Variants in MXI1 observed in about 807,000 individuals in gnomAD.
MXI1 encodes the protein MAX interactor 1, dimerization protein.
A neutral mutation model predicts 36.9 loss-of-function variants in MXI1; 18 were observed. The observed-to-expected ratio is 0.49, with a 90% confidence interval of 0.34 to 0.72. The LOEUF (loss-of-function observed/expected upper bound fraction) is 0.72, where lower values mean the gene tolerates loss of function less well. MXI1 is among the 30% of genes least tolerant of loss of function. The pLI is 0.01. For synonymous variants in MXI1, 160 were observed against 146.7 expected (o/e 1.09, Z -0.65); for missense variants, 304 against 379.1 (o/e 0.80, Z 1.64).
intron 1 of MXI1, among the ~76,000 whole-genome samples, chr10:110,223,546 G>A (rs889044256): frequency 6.6e-6 from 1 of 151,946 alleles, no homozygotes; most frequent in African/African-American, 2.4e-5. Context: ...CACTCCAGCT[G>A]GGGTGACAGA....
intron 2 of MXI1, among the ~76,000 whole-genome samples, chr10:110,244,187 A>G (rs1855773942): frequency 6.6e-6 from 1 of 152,158 alleles, no homozygotes; most frequent in Non-Finnish European, 1.5e-5. Context: ...AAAAGTCACC[A>G]AAACTAAACA....
chr10:110,275,981 T>C (rs1432827196), intron 3 of MXI1, among the ~76,000 whole-genome samples: 2 of 152,236 alleles, frequency 1.3e-5, no homozygotes, highest in African/African-American at 4.8e-5. Context: ...AAATATCTTT[T>C]AGAGCATTCT....
rs1415643772 is a variant in MXI1, at chr10:110,285,273, T to G, written c.*286T>G. ...TGTGTGAAATTTTCTTGATTTGAGTTGATTGAGAAGAGGACATTGGAGATG... is the reference window on the plus strand; with the variant it reads ...TGTGTGAAATTTTCTTGATTTGAGTGGATTGAGAAGAGGACATTGGAGATG... On this transcript the variant is annotated 3_prime_UTR_variant, in exon 6 of 6. Coordinates refer to ENST00000332674, the MANE Select transcript of MXI1 (RefSeq NM_130439.3). 4.0e-6 allele frequency: 1 copy of G among 251,252 alleles called. No individual in the cohort carries two copies. Among genetic ancestry groups the G allele is most frequent in the Non-Finnish European group, 7.5e-6 (1 of 132,718 alleles). 15.6% of individuals were successfully genotyped at this position (251,252 alleles called of 1,614,324 possible). A position where few individuals can be genotyped will look rare whatever the true frequency, so the allele number is the denominator to read the frequency against.
intron 3 of MXI1, chr10:110,257,231 T>G (rs1856332071): frequency 6.6e-6 from 1 of 152,302 alleles, no homozygotes; most frequent in South Asian, 2.1e-4. Flanking sequence ...CCACAAATGT[T>G]ACCATGGCAA....
At chr10:110,237,510 A>G (rs1470710010) in intron 2 of MXI1, among the ~76,000 whole-genome samples, 1 of 152,116 alleles carries the variant, frequency 6.6e-6, no homozygotes, top group East Asian at 1.9e-4. Context: ...TGAGTCTTAA[A>G]CCTGCATTCC....
chr10:110,248,773 C>T (rs1855962960), intron 3 of MXI1, among the ~76,000 whole-genome samples: 1 of 152,110 alleles, frequency 6.6e-6, no homozygotes, highest in African/African-American at 2.4e-5. Flanking sequence ...CTCCTTTACT[C>T]TCTCTATTCC....
intron 1 of MXI1, among the ~76,000 whole-genome samples, chr10:110,218,056 G>A (rs890450719): frequency 7.9e-5 from 12 of 152,180 alleles, no homozygotes; most frequent in African/African-American, 2.9e-4. Context: ...CTAATAAATA[G>A]TGGAGTAGAG....
At chr10:110,247,888 A>G (rs1447752761) in intron 3 of MXI1, among the ~76,000 whole-genome samples, 2 of 152,214 alleles carry the variant, frequency 1.3e-5, no homozygotes, top group African/African-American at 4.8e-5. Context: ...ATAAAGACAC[A>G]TGCACACGTA....
At chr10:110,260,900 T>C (rs1326128917) in intron 3 of MXI1, 1 of 617,830 alleles carries the variant, frequency 1.6e-6, no homozygotes, top group African/African-American at 2.0e-5. Flanking sequence ...TTATAACTTC[T>C]GGCCACTTTT....
chr10:110,226,142 C>A, intron 1 of MXI1: 6 of 1,347,052 alleles, frequency 4.5e-6, no homozygotes, highest in Non-Finnish European at 5.7e-6. Flanking sequence ...CGGCCGTAGC[C>A]GCCTGCGGCG....
intron 3 of MXI1, among the ~76,000 whole-genome samples, chr10:110,252,487 G>C (rs1856130103): frequency 6.6e-6 from 1 of 151,984 alleles, no homozygotes. Context: ...GGAAAGCCCT[G>C]CTCTAGTTCT....
At chr10:110,271,027 G>A (rs1856834456) in intron 3 of MXI1, among the ~76,000 whole-genome samples, 1 of 151,884 alleles carries the variant, frequency 6.6e-6, no homozygotes, top group Non-Finnish European at 1.5e-5. Context: ...GGGAGGCGGA[G>A]GTTGCAGTGA....
intron 1 of MXI1, among the ~76,000 whole-genome samples, chr10:110,209,147 C>T (rs531273803): frequency 1.3e-5 from 2 of 152,308 alleles, no homozygotes; most frequent in African/African-American, 4.8e-5. Context: ...GCAGTCGACT[C>T]AGCGCCCTAA....
In MXI1 at chr10:110,279,228, A is replaced by G. The variant is rs1248082120; in HGVS notation, c.486A>G (p.Pro162=). Residue 162 remains proline, a synonymous_variant, in exon 4 of 6, where the codon CCA becomes CCG. Transcript: ENST00000332674. The part of the protein sequence containing the change: ...LCLERLKVLI[P]LGPDCTRHTT... ...TAGAACGCTTAAAAGTTCTGATTCC[A>G]CTAGGACCAGACTGCACCCGGCACA... 3 of 1,614,068 alleles carry G rather than the reference A, an allele frequency of 1.9e-6. No individual in the cohort carries two copies. Among genetic ancestry groups the G allele is most frequent in the East Asian group, 2.2e-5 (1 of 44,884 alleles).
intron 3 of MXI1, among the ~76,000 whole-genome samples, chr10:110,251,813 A>G (rs1420279642): frequency 6.6e-6 from 1 of 152,178 alleles, no homozygotes; most frequent in East Asian, 1.9e-4. Flanking sequence ...ATGTAGCATC[A>G]TAAGCTGTGT....
rs564153909 is a variant in MXI1 at position 110,225,817 on chromosome 10, C to T, written c.275-2372C>T. ...GAAAGGAAACCCAGCGGGACTACAC[C>T]TTCCGACGACCTTTGCGAATCTTGC... is the stretch of plus-strand genomic sequence containing the variant. On this transcript the variant is annotated intron_variant, in intron 1 of 5. Transcript: ENST00000332674. Among the ~76,000 whole-genome samples, 3 of 152,312 alleles carry T rather than the reference C, an allele frequency of 2.0e-5. No individual in the cohort carries two copies. In the South Asian group the frequency reaches 6.2e-4, roughly 32 times the overall value.
chr10:110,235,150 T>C (rs1855411913), intron 2 of MXI1, among the ~76,000 whole-genome samples: 1 of 152,218 alleles, frequency 6.6e-6, no homozygotes, highest in African/African-American at 2.4e-5. Context: ...TTTCTTGCTA[T>C]AGAAGATGAG....
chr10:110,261,710 T>C (rs972049217), intron 3 of MXI1, among the ~76,000 whole-genome samples: 2 of 152,078 alleles, frequency 1.3e-5, no homozygotes, highest in Non-Finnish European at 2.9e-5. Context: ...ATTGTGACTC[T>C]TCATTTCTCC....
At chr10:110,243,141 T>C (rs556891045) in intron 2 of MXI1, among the ~76,000 whole-genome samples, 2 of 151,660 alleles carry the variant, frequency 1.3e-5, no homozygotes, top group South Asian at 4.2e-4. Flanking sequence ...TTAAACACTT[T>C]TATGGTGATA....
Sources: allele counts gnomAD v4.1 joint callset (sites outside exome capture counted in the v4.1 genomes callset), GRCh38; gene constraint gnomAD v4.1.1; transcripts MANE v1.5; gene names NCBI Gene and HGNC (gene_info 2026-07-23, HGNC 2026-07-21).